The following NCAM1 variants were observed in gnomAD, a reference collection of about 807,000 sequenced individuals.
NCAM1 encodes the protein neural cell adhesion molecule 1, also known as antigen recognized by monoclonal antibody 5.1H11.
Under a neutral mutation model 109.8 loss-of-function variants are expected in NCAM1, and 14 were observed. The observed-to-expected ratio is 0.13, with a 90% CI of 0.08 to 0.20. NCAM1 has a LOEUF of 0.20. Ranked by LOEUF, NCAM1 falls within the 10% of genes least tolerant of loss-of-function variation. The probability of loss-of-function intolerance (pLI) is 1.00; values close to 1 mark genes in which losing one functional copy is unlikely to be tolerated. For synonymous variants in NCAM1, 418 were observed against 442.9 expected, an observed-to-expected ratio of 0.94 and a Z score of 0.70; for missense variants, 774 against 1,109.9, an observed-to-expected ratio of 0.70 and a Z score of 4.30.
chr11:113,142,646 C>A (rs1941870769), intron 1 of NCAM1, among the ~76,000 whole-genome samples: 2 of 152,134 alleles, frequency 1.3e-5, no homozygotes, highest in South Asian at 4.1e-4. Context: ...CCTTTGACTG[C>A]AGTCCCCCTT....
chr11:113,254,467 ACAGGTCTAAAAAGCGCC>A (rs1555121941), intron 15 of NCAM1, among the ~76,000 whole-genome samples: 1 of 152,242 alleles, frequency 6.6e-6, no homozygotes, highest in African/African-American at 2.4e-5. Context: ...GGATCTTGTT[ACAGGTCTAAAAAGCGCC>A]CAGGTGATCA....
intron 1 of NCAM1, among the ~76,000 whole-genome samples, chr11:112,996,221 A>G (rs894375643): frequency 6.6e-5 from 10 of 152,154 alleles, no homozygotes; most frequent in Non-Finnish European, 1.3e-4. Flanking sequence ...CCTACTTAGC[A>G]TTATTTTATA....
chr11:113,150,973 T>C, intron 1 of NCAM1, among the ~76,000 whole-genome samples: 1 of 152,140 alleles, frequency 6.6e-6, no homozygotes, highest in East Asian at 1.9e-4. Context: ...TGTGAAGACC[T>C]CGAATGCCTG....
At chr11:113,266,491 T>G (rs1415027210) in intron 17 of NCAM1, among the ~76,000 whole-genome samples, 3 of 152,148 alleles carry the variant, frequency 2.0e-5, no homozygotes, top group Admixed American at 1.3e-4. Context: ...GACAGCACAG[T>G]GCACCCTGGG....
At chr11:113,145,764 C>A (rs529119324) in intron 1 of NCAM1, among the ~76,000 whole-genome samples, 111 of 151,766 alleles carry the variant, frequency 7.3e-4, no homozygotes, top group African/African-American at 2.6e-3. Flanking sequence ...CCCACCCCCA[C>A]TTTCCTCCAC....
At position 113,272,045 on chromosome 11, in the gene NCAM1, T is replaced by C. The variant is rs1360259296; in HGVS notation, c.2456+169T>C. On this transcript the variant is annotated intron_variant, in intron 19 of 19. Transcript: ENST00000316851. ...CTGCTTGGCTGAGAAATGCCTGACC[T>C]CAGGCATTTCTGGTTCTATTTCGGT... is the stretch of plus-strand genomic sequence containing the variant. 2.0e-5 allele frequency among the ~76,000 whole-genome samples: 3 copies of C among 150,956 alleles called. No individual in the cohort carries two copies. The East Asian group carries it at 6.0e-4, about 30-fold the overall frequency.
intron 1 of NCAM1, among the ~76,000 whole-genome samples, chr11:113,008,955 G>A (rs145644666): frequency 1.5e-3 from 235 of 152,290 alleles, no homozygotes; most frequent in African/African-American, 5.1e-3. Context: ...GTCAACACAA[G>A]CTGCAAACTG....
intron 17 of NCAM1, chr11:113,269,953 A>C (rs1241501119): frequency 3.3e-5 from 19 of 571,294 alleles, no homozygotes; most frequent in Non-Finnish European, 5.3e-5. Context: ...GACCAGGCTC[A>C]CCCCTGTTCC....
chr11:113,010,307 A>G (rs782646968), intron 1 of NCAM1, among the ~76,000 whole-genome samples: 4 of 152,222 alleles, frequency 2.6e-5, no homozygotes, highest in Non-Finnish European at 4.4e-5. Context: ...ACTTGAAAGA[A>G]TTAAAATGTA....
chr11:112,994,810 A>G (rs534259358), intron 1 of NCAM1, among the ~76,000 whole-genome samples: 1 of 152,202 alleles, frequency 6.6e-6, no homozygotes, highest in South Asian at 2.1e-4. Flanking sequence ...TTTAGGCACT[A>G]TTTTGTACCT....
At chr11:113,009,444 TC>T (rs1344109298) in intron 1 of NCAM1, among the ~76,000 whole-genome samples, 1 of 150,092 alleles carries the variant, frequency 6.7e-6, no homozygotes, top group Non-Finnish European at 1.5e-5. Context: ...CCCACCTCAG[TC>T]ACCCGAGTAG....
intron 1 of NCAM1, among the ~76,000 whole-genome samples, chr11:113,014,532 G>T (rs886427333): frequency 1.3e-5 from 2 of 152,208 alleles, no homozygotes; most frequent in East Asian, 3.8e-4. Context: ...CTGCCGTAAA[G>T]AAGGACTTTT....
intron 9 of NCAM1, among the ~76,000 whole-genome samples, chr11:113,224,775 C>G (rs782805197): frequency 3.3e-4 from 51 of 152,308 alleles, no homozygotes; most frequent in Non-Finnish European, 6.3e-4. Context: ...TGCTGTTCAC[C>G]AATATTCGCT....
At chr11:113,267,676 A>T (rs1946163206) in intron 17 of NCAM1, among the ~76,000 whole-genome samples, 2 of 152,092 alleles carry the variant, frequency 1.3e-5, no homozygotes, top group South Asian at 4.1e-4. Context: ...AAAGACTTTG[A>T]ATTTTATATT....
At chr11:113,145,072 A>G (rs1671135924) in intron 1 of NCAM1, among the ~76,000 whole-genome samples, 3 of 152,216 alleles carry the variant, frequency 2.0e-5, no homozygotes, top group African/African-American at 7.2e-5. Context: ...TAATATGGAA[A>G]ATAAGAATTC....
At chr11:113,007,465 C>A (rs983509059) in intron 1 of NCAM1, among the ~76,000 whole-genome samples, 7 of 152,286 alleles carry the variant, frequency 4.6e-5, no homozygotes, top group African/African-American at 1.7e-4. Flanking sequence ...AGAATTTAAA[C>A]CCCTAAGAGC....
intron 9 of NCAM1, chr11:113,221,878 A>G (rs1368432564): frequency 2.0e-5 from 3 of 153,668 alleles, no homozygotes; most frequent in African/African-American, 7.2e-5. Flanking sequence ...TTACTTTTAT[A>G]GAGCATTAAA....
At chr11:112,975,824 T>C (rs1555067602) in intron 1 of NCAM1, among the ~76,000 whole-genome samples, 1 of 152,000 alleles carries the variant, frequency 6.6e-6, no homozygotes, top group African/African-American at 2.4e-5. Flanking sequence ...GCCTTCCTTC[T>C]TATAAAAAGA....
Position 113,014,302 on chromosome 11 carries a change from G to A in NCAM1, c.52+52638G>A, listed in dbSNP as rs1228583186. ...GAGATATCCTAGCTCAGGGCAAGCC[G>A]TTTGATGGAAATAGCATTTTCTCCA... On this transcript the variant is annotated intron_variant, in intron 1 of 19. Transcript: ENST00000316851. Among the ~76,000 whole-genome samples, 4 of 152,098 alleles carry A rather than the reference G, an allele frequency of 2.6e-5. 1 individual carries two copies. The highest frequency in any genetic ancestry group is 1.5e-5 in the Non-Finnish European group (1 of 68,012).
Sources: allele counts gnomAD v4.1 joint callset (sites outside exome capture counted in the v4.1 genomes callset), GRCh38; gene constraint gnomAD v4.1.1; transcripts MANE v1.5; gene names NCBI Gene and HGNC (gene_info 2026-07-23, HGNC 2026-07-21).